ITGAM: variants seen among roughly 807,000 people sequenced by gnomAD.
ITGAM encodes the protein integrin subunit alpha M.
A neutral mutation model predicts 137.5 loss-of-function variants in ITGAM; 79 were observed. The ratio of observed to expected loss-of-function variants is 0.57; its 90% CI spans 0.48 to 0.69. ITGAM has a LOEUF of 0.69. Ranked by LOEUF, ITGAM falls within the 30% of genes least tolerant of loss-of-function variation. ITGAM has a pLI of 0.00. For synonymous variants in ITGAM, 583 were observed against 592.3 expected (o/e 0.98, Z 0.23); for missense variants, 1,343 against 1,483.5 (o/e 0.91, Z 1.56).
chr16:31,273,637 T>C, intron 8 of ITGAM, 119 bp downstream of exon 8: 4 of 920,304 alleles, frequency 4.3e-6, no homozygotes, highest in Non-Finnish European at 6.6e-6. Context: ...TGCTAGCTCA[T>C]ATACACCGTA....
chr16:31,268,458 T>C (rs970958693), intron 5 of ITGAM, among the ~76,000 whole-genome samples: 5 of 152,134 alleles, frequency 3.3e-5, no homozygotes, highest in Non-Finnish European at 7.4e-5. Flanking sequence ...GGCCAGGAGT[T>C]TGGGACCAGC....
chr16:31,260,115 A>G (rs1596960898), intron 1 of ITGAM, 23 bp downstream of exon 1: 1 of 548,174 alleles, frequency 1.8e-6, no homozygotes, highest in Non-Finnish European at 2.9e-6. Flanking sequence ...GGGGTGGGGG[A>G]CTCTGGGTGG....
chr16:31,324,376 G>T lies in ITGAM; in HGVS notation c.2003-23G>T. On this transcript the variant is annotated intron_variant, in intron 16 of 29. Transcript: ENST00000544665. The surrounding 1 kb of genome is among the most constrained non-coding windows in gnomAD (Gnocchi z 4.5). ...GGTTCCGAGGCTCAGGCCCCTCACT[G>T]CTGTGCCACCCTGTCCCTTCAGGAC... The T allele has an allele frequency of 1.3e-6, 2 of 1,549,948 alleles. No homozygotes were observed. The highest frequency in any genetic ancestry group is 1.7e-6 in the Non-Finnish European group (2 of 1,145,660).
chr16:31,291,038 A>G (rs1156662367), intron 12 of ITGAM, among the ~76,000 whole-genome samples: 3 of 152,196 alleles, frequency 2.0e-5, no homozygotes, highest in Admixed American at 2.0e-4. Context: ...TTTATGCTGA[A>G]AACTACAAAA....
rs945109661 is a variant in ITGAM, at chr16:31,331,951, A to C, written c.*244A>C. The C allele has an allele frequency of 1.8e-6, 1 of 550,878 alleles. No homozygotes were observed. Among genetic ancestry groups the C allele is most frequent in the African/African-American group, 1.9e-5 (1 of 51,608 alleles). The allele number at this position is 550,878 out of a possible 1,614,324, so 34.1% of individuals were successfully genotyped here. On this transcript the variant is annotated 3_prime_UTR_variant, in exon 30 of 30. Transcript: ENST00000544665. ...CGCCCATGTGTGAGTGTGTGCAAGT[A>C]TGTGAGTGTGTCCAAGTGTGTGTGC...
Position 31,271,931 on chromosome 16 carries a change from G to A in ITGAM, c.643G>A (p.Val215Met). 6.2e-7 allele frequency: 1 copy of A among 1,613,964 alleles called. No homozygotes were observed. Among genetic ancestry groups the A allele is most frequent in the Non-Finnish European group, 8.5e-7 (1 of 1,179,882 alleles). Reference sequence around the variant, plus strand: ...GAACAACCCTAACCCAAGATCACTGGTGAAGCCAATAACGCAGCTGCTTGG... The same window carrying A: ...GAACAACCCTAACCCAAGATCACTGATGAAGCCAATAACGCAGCTGCTTGG... The part of the protein sequence containing the change: ...FQNNPNPRSL[V>M]KPITQLLGRT... The change falls in exon 7 of 30, where the codon GTG (valine) becomes ATG (methionine). Residue 215 changes from valine (V) to methionine (M), a missense_variant. Transcript: ENST00000544665.
rs61202942 is a variant in ITGAM, at chr16:31,298,204, CA to C, written c.1707+274del. On this transcript the variant is annotated intron_variant, in intron 14 of 29. Transcript: ENST00000544665. ...GCAACATGGTGAGAACCCATCTCTC[CA>C]AAAAAAAAAAAAAAAAAAAAAAATT... 4.6e-3 allele frequency among the ~76,000 whole-genome samples: 359 copies of C among 77,824 alleles called. 1 individual carries two copies. The highest frequency in any genetic ancestry group is 0.014 in the South Asian group (29 of 2,086). The allele number at this position is 77,824 out of a possible 152,430, so 51.1% of individuals were successfully genotyped here.
intron 12 of ITGAM, 56 bp from the exon 13 acceptor site, chr16:31,297,458 C>T: frequency 6.2e-7 from 1 of 1,606,886 alleles, no homozygotes; most frequent in Non-Finnish European, 8.5e-7. Context: ...GAGAGAAAAC[C>T]TCCACATCTG....
chr16:31,331,059 A>G, intron 28 of ITGAM, 106 bp from the exon 29 acceptor site: 1 of 637,438 alleles, frequency 1.6e-6, no homozygotes, highest in Non-Finnish European at 2.9e-6. Context: ...GTTCTGGGGG[A>G]CATGAGGAGG....
At chr16:31,292,372 G>A (rs551188690) in intron 12 of ITGAM, among the ~76,000 whole-genome samples, 8,570 of 151,966 alleles carry the variant, frequency 0.056, 823 homozygotes, top group African/African-American at 0.2. Context: ...CAGGTATTAA[G>A]CCTAGTATCC....
chr16:31,319,092 A>G (rs958305759), intron 14 of ITGAM, among the ~76,000 whole-genome samples: 2 of 152,098 alleles, frequency 1.3e-5, no homozygotes, highest in African/African-American at 4.8e-5. Flanking sequence ...AATCATTTCA[A>G]ATTTGTTAAG....
intron 25 of ITGAM, 26 bp from the exon 26 acceptor site, chr16:31,330,055 C>T: frequency 3.1e-6 from 5 of 1,608,994 alleles, no homozygotes; most frequent in Non-Finnish European, 2.5e-6. Context: ...CATCTCTGCC[C>T]CTTCTCAGTG....
Position 31,266,081 on chromosome 16 carries a change from G to C in ITGAM, c.361G>C (p.Gly121Arg), listed in dbSNP as rs2079763702. The C allele has an allele frequency of 6.2e-7, 1 of 1,613,818 alleles. No individual in the cohort carries two copies. The highest frequency in any genetic ancestry group is 8.5e-7 in the Non-Finnish European group (1 of 1,179,910). ...TTGCAGTGAGAACACGTATGTGAAA[G>C]GGCTCTGCTTCCTGTTTGGATCCAA... ...QTCSENTYVK[G>R]LCFLFGSNLR... The change falls in exon 5 of 30, where the codon GGG becomes CGG. Residue 121 changes from glycine (G) to arginine (R), a missense_variant. Coordinates refer to ENST00000544665, the MANE Select transcript of ITGAM (RefSeq NM_000632.4).
Position 31,276,726 on chromosome 16 carries a change from C to T in ITGAM, c.1065C>T (p.Phe355=). The change falls in exon 10 of 30, where the codon TTC becomes TTT. Residue 355 remains phenylalanine, a synonymous_variant. Coordinates refer to ENST00000544665, the MANE Select transcript of ITGAM (RefSeq NM_000632.4). ...AGCATGAGATGTCTCAGGAAGGCTT[C>T]AGCGCTGCCATCACCTCTGTAAGTG... The part of the protein sequence containing the change: ...SFEHEMSQEG[F]SAAITSNGPL... The T allele has an allele frequency of 6.2e-7, 1 of 1,611,552 alleles. No individual in the cohort carries two copies. Among genetic ancestry groups the T allele is most frequent in the Non-Finnish European group, 8.5e-7 (1 of 1,178,862 alleles).
intron 23 of ITGAM, chr16:31,328,937 T>C (rs2080544460): frequency 3.8e-6 from 2 of 532,106 alleles, no homozygotes; most frequent in Admixed American, 3.3e-5. Flanking sequence ...CATGTATGTG[T>C]GCATGGGTGT....
chr16:31,329,737 T>C, intron 24 of ITGAM, 61 bp from the exon 25 acceptor site: 20 of 1,435,354 alleles, frequency 1.4e-5, no homozygotes, highest in Non-Finnish European at 1.9e-5. Flanking sequence ...GAGGGGAGGC[T>C]GATTCTCCAG....
chr16:31,327,440 A>G (rs1216195569), intron 22 of ITGAM, among the ~76,000 whole-genome samples: 11 of 150,310 alleles, frequency 7.3e-5, no homozygotes, highest in Non-Finnish European at 1.5e-4. Context: ...AAAAAAATAC[A>G]AAAATTAGCC....
chr16:31,277,087 G>T (rs1224235985), intron 11 of ITGAM, 38 bp downstream of exon 11: 1 of 1,572,616 alleles, frequency 6.4e-7, no homozygotes. Context: ...AAGAAGGGGT[G>T]AGGATTTGGC....
chr16:31,327,095 C>G, intron 22 of ITGAM, 160 bp downstream of exon 22: 1 of 691,788 alleles, frequency 1.4e-6, no homozygotes, highest in South Asian at 1.6e-5. Context: ...GGGCCTTGTG[C>G]TGAGTGCTGG....
Sources: allele counts gnomAD v4.1 joint callset (sites outside exome capture counted in the v4.1 genomes callset), GRCh38; gene constraint gnomAD v4.1.1; non-coding constraint Gnocchi (gnomAD v3.1); transcripts MANE v1.5; gene names NCBI Gene and HGNC (gene_info 2026-07-23, HGNC 2026-07-21).